Variants in NAALADL2 observed in about 807,000 individuals in gnomAD.
NAALADL2 encodes the protein N-acetylated alpha-linked acidic dipeptidase like 2, also known as inactive N-acetylated-alpha-linked acidic dipeptidase-like protein 2.
In NAALADL2, 76 loss-of-function variants were observed where a neutral mutation model predicts 87.2. The observed-to-expected ratio is 0.87, with a 90% CI of 0.72 to 1.05. The LOEUF (loss-of-function observed/expected upper bound fraction) is 1.05, where lower values mean the gene tolerates loss of function less well. Among genes scored for constraint, NAALADL2 ranks in the 50% least tolerant of loss-of-function variants. NAALADL2 has a pLI of 0.00. For synonymous variants in NAALADL2, 354 were observed against 331.0 expected, an observed-to-expected ratio of 1.07 and a Z score of -0.75; for missense variants, 1,089 against 945.8, an observed-to-expected ratio of 1.15 and a Z score of -1.99.
At chr3:175,268,135 G>A (rs1026235543) in intron 4 of NAALADL2, among the ~76,000 whole-genome samples, 1 of 152,122 alleles carries the variant, frequency 6.6e-6, no homozygotes, top group Non-Finnish European at 1.5e-5. Context: ...TGTTGGTGTT[G>A]TGCTGGTATC....
At chr3:175,618,813 A>G (rs539035437) in intron 10 of NAALADL2, among the ~76,000 whole-genome samples, 27 of 152,208 alleles carry the variant, frequency 1.8e-4, no homozygotes, top group African/African-American at 6.3e-4. Flanking sequence ...AGATAGTCAC[A>G]CTTACCTACA....
chr3:175,399,646 G>T (rs1026876440), intron 5 of NAALADL2, among the ~76,000 whole-genome samples: 4 of 152,080 alleles, frequency 2.6e-5, no homozygotes, highest in Non-Finnish European at 4.4e-5. Context: ...TCTTGGTTTT[G>T]GTGGGTTTTG....
intron 2 of NAALADL2, among the ~76,000 whole-genome samples, chr3:175,140,558 G>A (rs536980912): frequency 6.6e-6 from 1 of 152,254 alleles, no homozygotes; most frequent in African/African-American, 2.4e-5. Context: ...ACTAAGCAAA[G>A]AAGGCAGGTA....
intron 2 of NAALADL2, among the ~76,000 whole-genome samples, chr3:174,652,790 G>GA (rs1724506549): frequency 6.6e-6 from 1 of 151,926 alleles, no homozygotes; most frequent in African/African-American, 2.4e-5. Context: ...AAGATAGAAG[G>GA]AAAACCACTG....
At chr3:175,043,136 C>T (rs1340199000) in intron 1 of NAALADL2, among the ~76,000 whole-genome samples, 1 of 152,194 alleles carries the variant, frequency 6.6e-6, no homozygotes, top group Non-Finnish European at 1.5e-5. Context: ...GTAAATTACC[C>T]AGCCTCAGAT....
rs1049343927 is a variant in NAALADL2, at chr3:175,278,461, C to T, written c.939+21931C>T. The stretch of plus-strand genomic sequence containing the variant: ...CCATGTTATTTGAAGTTCAAAAGAA[C>T]AAGAGGAATCTTAGCCAGTGTATGA... On this transcript the variant is annotated intron_variant, in intron 4 of 13. Coordinates refer to ENST00000454872, the MANE Select transcript of NAALADL2 (RefSeq NM_207015.3). 3.9e-5 allele frequency among the ~76,000 whole-genome samples: 6 copies of T among 152,110 alleles called. No individual in the cohort carries two copies. In the South Asian group the frequency reaches 1.2e-3, roughly 32 times the overall value.
At chr3:175,553,495 C>G (rs1468913954) in intron 9 of NAALADL2, among the ~76,000 whole-genome samples, 4 of 152,028 alleles carry the variant, frequency 2.6e-5, no homozygotes, top group Non-Finnish European at 4.4e-5. Flanking sequence ...CCACATGACT[C>G]TTGTTTTTCT....
At chr3:175,423,085 G>A (rs1716073737) in intron 5 of NAALADL2, among the ~76,000 whole-genome samples, 1 of 141,564 alleles carries the variant, frequency 7.1e-6, no homozygotes, top group Non-Finnish European at 1.5e-5. Context: ...GAACTGGAAA[G>A]AGGTTTATTT....
chr3:175,408,594 T>C (rs1025160999), intron 5 of NAALADL2, among the ~76,000 whole-genome samples: 2 of 151,994 alleles, frequency 1.3e-5, no homozygotes, highest in Admixed American at 1.3e-4. Context: ...ATAAAGAAAC[T>C]GAGATTGTAT....
chr3:174,691,468 A>G (rs1475223155), intron 2 of NAALADL2, among the ~76,000 whole-genome samples: 5 of 151,936 alleles, frequency 3.3e-5, no homozygotes, highest in African/African-American at 1.2e-4. Context: ...AAAAAATGCT[A>G]ACAATCATCT....
intron 2 of NAALADL2, among the ~76,000 whole-genome samples, chr3:174,646,685 G>A (rs1416231555): frequency 6.6e-6 from 1 of 151,686 alleles, no homozygotes; most frequent in Non-Finnish European, 1.5e-5. Flanking sequence ...TTTTCTTTAT[G>A]ACATTTTAAA....
intron 1 of NAALADL2, among the ~76,000 whole-genome samples, chr3:174,972,121 C>G (rs1230131127): frequency 6.6e-6 from 1 of 152,142 alleles, no homozygotes; most frequent in Admixed American, 6.5e-5. Context: ...CTCACAGAAA[C>G]TTTTCATTGA....
chr3:174,510,337 C>A (rs1201982580), intron 1 of NAALADL2, among the ~76,000 whole-genome samples: 1 of 151,840 alleles, frequency 6.6e-6, no homozygotes, highest in East Asian at 1.9e-4. Flanking sequence ...TTTGCTTAAA[C>A]GTTTGATACA....
intron 11 of NAALADL2, among the ~76,000 whole-genome samples, chr3:175,647,013 C>G (rs980672448): frequency 1.3e-5 from 2 of 152,012 alleles, no homozygotes; most frequent in Non-Finnish European, 2.9e-5. Context: ...AACTATATAT[C>G]TATATGAACA....
intron 4 of NAALADL2, among the ~76,000 whole-genome samples, chr3:175,280,511 A>T (rs1464345160): frequency 6.6e-6 from 1 of 152,124 alleles, no homozygotes; most frequent in Non-Finnish European, 1.5e-5. Context: ...CTGCTAGGAC[A>T]TAATGAGAGA....
chr3:175,049,981 A>AT (rs11452360), intron 1 of NAALADL2, among the ~76,000 whole-genome samples: 34,799 of 152,020 alleles, frequency 0.23, 4,518 homozygotes, highest in African/African-American at 0.35. Context: ...GAGTCTGCAC[A>AT]TTTTTTTTCC....
intron 1 of NAALADL2, among the ~76,000 whole-genome samples, chr3:175,086,733 A>T (rs1324190659): frequency 2.0e-5 from 3 of 152,140 alleles, no homozygotes; most frequent in African/African-American, 7.2e-5. Flanking sequence ...ATTGCTCATT[A>T]TAGTCTTTAG....
chr3:175,060,040 G>A (rs867224173), intron 1 of NAALADL2: 1 of 369,214 alleles, frequency 2.7e-6, no homozygotes, highest in South Asian at 2.5e-5. Flanking sequence ...GGTGTCAGCT[G>A]TATTTGAGAG....
chr3:174,614,205 G>A (rs1720221625), intron 2 of NAALADL2, among the ~76,000 whole-genome samples: 1 of 152,118 alleles, frequency 6.6e-6, no homozygotes, highest in African/African-American at 2.4e-5. Flanking sequence ...TAGTTGAAAT[G>A]TTCCCCTCCC....
Sources: allele counts gnomAD v4.1 joint callset (sites outside exome capture counted in the v4.1 genomes callset), GRCh38; gene constraint gnomAD v4.1.1; transcripts MANE v1.5; gene names NCBI Gene and HGNC (gene_info 2026-07-23, HGNC 2026-07-21).